Variants in SLC25A26 observed in about 807,000 individuals in gnomAD.
SLC25A26 encodes mitochondrial S-adenosylmethionine carrier protein.
Under a neutral mutation model 37.8 loss-of-function variants are expected in SLC25A26, and 36 were observed. The ratio of observed to expected loss-of-function variants is 0.95; its 90% CI spans 0.73 to 1.26. The LOEUF (loss-of-function observed/expected upper bound fraction) is 1.26. Among genes scored for constraint, SLC25A26 ranks in the 50% most tolerant of loss-of-function variants. SLC25A26 has a pLI of 0.00. For synonymous variants in SLC25A26, 129 were observed against 122.5 expected, an observed-to-expected ratio of 1.05 and a Z score of -0.35; for missense variants, 390 against 331.1, an observed-to-expected ratio of 1.18 and a Z score of -1.38.
chr3:66,276,169 G>T (rs1454527162), intron 5 of SLC25A26, among the ~76,000 whole-genome samples: 3 of 152,082 alleles, frequency 2.0e-5, no homozygotes, highest in Non-Finnish European at 2.9e-5. Context: ...TACTAATTAT[G>T]ATTGTTAACT....
At chr3:66,231,678 A>G (rs1650817342) in intron 1 of SLC25A26, among the ~76,000 whole-genome samples, 1 of 152,090 alleles carries the variant, frequency 6.6e-6, no homozygotes, top group Non-Finnish European at 1.5e-5. Context: ...AGATGGGATT[A>G]TATAGCATAT....
At chr3:66,137,922 C>T (rs2106659232) in intron 1 of SLC25A26, among the ~76,000 whole-genome samples, 1 of 152,268 alleles carries the variant, frequency 6.6e-6, no homozygotes, top group South Asian at 2.1e-4. Context: ...CCACCTCTGC[C>T]TCCCAGGTTC....
intron 1 of SLC25A26, among the ~76,000 whole-genome samples, chr3:66,198,118 A>G (rs2071068111): frequency 6.6e-6 from 1 of 152,122 alleles, no homozygotes; most frequent in Admixed American, 6.5e-5. Flanking sequence ...GGAAAAGTCC[A>G]GAGTCAAGTG....
chr3:66,209,176 GAT>G (rs1210287034), intron 1 of SLC25A26, among the ~76,000 whole-genome samples: 108,601 of 114,992 alleles, frequency 0.94, 51,586 homozygotes, highest in South Asian at 1. Context: ...GGTATATAAA[GAT>G]ATATATATAT....
chr3:66,219,522 A>G (rs2071413936), upstream of SLC25A26, among the ~76,000 whole-genome samples: 1 of 152,224 alleles, frequency 6.6e-6, no homozygotes, highest in Non-Finnish European at 1.5e-5. Context: ...GCTGGCATTG[A>G]CAAAGTGAAC....
intron 9 of SLC25A26, among the ~76,000 whole-genome samples, chr3:66,373,926 G>A (rs1298425548): frequency 6.6e-6 from 1 of 152,074 alleles, no homozygotes; most frequent in Non-Finnish European, 1.5e-5. Flanking sequence ...GAGAAAGGAT[G>A]CAGTCAGGTG....
At position 66,161,268 on chromosome 3, in the gene SLC25A26, A is replaced by G. The variant is rs570699549; in HGVS notation, c.-354+27284A>G. Among the ~76,000 whole-genome samples the G allele has an allele frequency of 7.9e-5, 12 of 152,204 alleles. No homozygotes were observed. The South Asian group carries it at 2.1e-3, about 26-fold the overall frequency. ...AAAAGTGGTGACCAACTTTTTCCCC[A>G]TGGAATCAGCATAAACTGGATCTGG... On this transcript the variant is annotated intron_variant, in intron 1 of 10. Coordinates refer to the SLC25A26 transcript ENST00000676754.
intron 1 of SLC25A26, among the ~76,000 whole-genome samples, chr3:66,196,062 T>C (rs1345610123): frequency 6.6e-6 from 1 of 152,264 alleles, no homozygotes; most frequent in African/African-American, 2.4e-5. Flanking sequence ...ATTTATCCTC[T>C]GCATAGACTT....
chr3:66,254,687 C>T (rs60769763), intron 3 of SLC25A26, among the ~76,000 whole-genome samples: 2,571 of 152,300 alleles, frequency 0.017, 78 homozygotes, highest in African/African-American at 0.059. Flanking sequence ...TGGGTTTCAC[C>T]CATGCTTCCT....
At chr3:66,165,405 T>A (rs2070412128) in intron 1 of SLC25A26, among the ~76,000 whole-genome samples, 1 of 152,130 alleles carries the variant, frequency 6.6e-6, no homozygotes, top group Non-Finnish European at 1.5e-5. Flanking sequence ...GCTCCTTAGT[T>A]TTAAGGGTGA....
At chr3:66,303,014 C>A (rs2075118995) in intron 5 of SLC25A26, among the ~76,000 whole-genome samples, 1 of 152,120 alleles carries the variant, frequency 6.6e-6, no homozygotes, top group Admixed American at 6.5e-5. Flanking sequence ...TAGCAGCATC[C>A]CTGGCCTCTA....
intron 1 of SLC25A26, among the ~76,000 whole-genome samples, chr3:66,146,603 C>T (rs1398582698): frequency 6.6e-6 from 1 of 152,048 alleles, no homozygotes; most frequent in Non-Finnish European, 1.5e-5. Flanking sequence ...ACTGTAATGA[C>T]ATTAATTCAA....
chr3:66,158,010 A>G (rs781248684), intron 1 of SLC25A26, among the ~76,000 whole-genome samples: 3 of 152,208 alleles, frequency 2.0e-5, no homozygotes, highest in Non-Finnish European at 2.9e-5. Context: ...TGAAGGGAGA[A>G]TGCGTTGTGT....
At chr3:66,217,522 T>A (rs1339481121), upstream of SLC25A26, among the ~76,000 whole-genome samples, 5 of 152,098 alleles carry the variant, frequency 3.3e-5, no homozygotes, top group Non-Finnish European at 7.4e-5. Flanking sequence ...AATATTTTAA[T>A]CAACTTTATT....
intron 1 of SLC25A26, among the ~76,000 whole-genome samples, chr3:66,154,728 C>T (rs1366893777): frequency 1.3e-5 from 2 of 152,028 alleles, no homozygotes; most frequent in Non-Finnish European, 2.9e-5. Flanking sequence ...GCGATCCACC[C>T]GCCACGGCCT....
chr3:66,360,842 T>G (rs1055629232), intron 6 of SLC25A26, among the ~76,000 whole-genome samples: 1 of 152,190 alleles, frequency 6.6e-6, no homozygotes, highest in Non-Finnish European at 1.5e-5. Flanking sequence ...AAATAATCCA[T>G]GGGTTTGGTG....
intron 3 of SLC25A26, among the ~76,000 whole-genome samples, chr3:66,258,246 C>T (rs1186153486): frequency 6.6e-6 from 1 of 152,124 alleles, no homozygotes; most frequent in Non-Finnish European, 1.5e-5. Context: ...GAGGCCTGTT[C>T]TCCTTGCCTT....
intron 9 of SLC25A26, chr3:66,371,182 A>G: frequency 6.8e-7 from 1 of 1,471,370 alleles, no homozygotes; most frequent in Non-Finnish European, 9.0e-7. Flanking sequence ...AGGCATGTGA[A>G]ATGATGATTT....
At chr3:66,304,713 C>T (rs2075168684) in intron 5 of SLC25A26, among the ~76,000 whole-genome samples, 1 of 152,168 alleles carries the variant, frequency 6.6e-6, no homozygotes, top group African/African-American at 2.4e-5. Context: ...TCTCTCTGTA[C>T]ATGGGACTGA....
Sources: gnomAD v4.1 joint callset for allele counts (sites outside exome capture counted in the v4.1 genomes callset) on GRCh38, gnomAD v4.1.1 for gene constraint, MANE v1.5 for transcripts, NCBI Gene and HGNC (gene_info 2026-07-23, HGNC 2026-07-21) for gene names.